NKAIN3: variants seen among roughly 807,000 people sequenced by gnomAD.
The protein encoded by NKAIN3 is sodium/potassium transporting ATPase interacting 3, also known as sodium/potassium-transporting ATPase subunit beta-1-interacting protein 3.
In NKAIN3, 25 loss-of-function variants were observed where a neutral mutation model predicts 30.2. The observed-to-expected ratio is 0.83, with a 90% CI of 0.60 to 1.16. NKAIN3 has a LOEUF of 1.16. Among genes scored for constraint, NKAIN3 ranks in the 50% most tolerant of loss-of-function variants. The probability of loss-of-function intolerance (pLI) is 0.00; values close to 1 mark genes in which losing one functional copy is unlikely to be tolerated. For synonymous variants in NKAIN3, 91 were observed against 89.6 expected (o/e 1.02, Z -0.09); for missense variants, 225 against 254.1 (o/e 0.89, Z 0.78).
intron 1 of NKAIN3, among the ~76,000 whole-genome samples, chr8:62,263,777 G>A (rs912152353): frequency 4.6e-5 from 7 of 152,140 alleles, no homozygotes; most frequent in African/African-American, 1.7e-4. Flanking sequence ...GAATAAAATC[G>A]TTGAATATTT....
chr8:62,869,723 C>A (rs1229838481), intron 4 of NKAIN3, among the ~76,000 whole-genome samples: 1 of 152,022 alleles, frequency 6.6e-6, no homozygotes, highest in Non-Finnish European at 1.5e-5. Flanking sequence ...AGACTGAGGG[C>A]GGCACTGTCA....
intron 4 of NKAIN3, among the ~76,000 whole-genome samples, chr8:62,827,372 A>T (rs768701395): frequency 6.6e-6 from 1 of 152,216 alleles, no homozygotes; most frequent in Admixed American, 6.5e-5. Flanking sequence ...AGGGAAAAAA[A>T]TAGCCTTACA....
intron 3 of NKAIN3, among the ~76,000 whole-genome samples, chr8:62,723,108 C>A (rs1815142863): frequency 6.6e-6 from 1 of 152,026 alleles, no homozygotes; most frequent in Admixed American, 6.6e-5. Flanking sequence ...CTGCCGCATC[C>A]ATAGGTCAAA....
chr8:62,567,421 C>T (rs75926952), intron 1 of NKAIN3, among the ~76,000 whole-genome samples: 1 of 152,144 alleles, frequency 6.6e-6, no homozygotes, highest in Non-Finnish European at 1.5e-5. Flanking sequence ...CAAAGATGTC[C>T]ATGTCCGAAT....
At chr8:62,630,688 A>G (rs1032804492) in intron 3 of NKAIN3, among the ~76,000 whole-genome samples, 3 of 152,082 alleles carry the variant, frequency 2.0e-5, no homozygotes, top group Non-Finnish European at 4.4e-5. Context: ...TTCTGCAAAC[A>G]TTGCTTGTTA....
At chr8:62,451,299 GTCCCCTCCCC>G (rs1385924114) in intron 1 of NKAIN3, among the ~76,000 whole-genome samples, 2 of 45,354 alleles carry the variant, frequency 4.4e-5, no homozygotes, top group South Asian at 1.7e-3. Context: ...CTCCCCTCCC[GTCCCCTCCCC>G]TCCCCTCTCC....
chr8:62,546,712 T>C (rs1194195066), intron 1 of NKAIN3, among the ~76,000 whole-genome samples: 5 of 152,186 alleles, frequency 3.3e-5, no homozygotes, highest in South Asian at 2.1e-4. Flanking sequence ...TGCCTCTGGA[T>C]AAATTATTCT....
At chr8:62,350,979 C>T (rs28771740) in intron 1 of NKAIN3, among the ~76,000 whole-genome samples, 6,109 of 151,794 alleles carry the variant, frequency 0.04, 169 homozygotes, top group South Asian at 0.096. Flanking sequence ...CATGAGCCAC[C>T]GTGCCCAGCC....
At chr8:62,761,060 A>T (rs1339643622) in intron 4 of NKAIN3, among the ~76,000 whole-genome samples, 5 of 152,184 alleles carry the variant, frequency 3.3e-5, no homozygotes, top group Non-Finnish European at 7.4e-5. Flanking sequence ...GGTTTGTCCT[A>T]GAAGGATTTT....
intron 3 of NKAIN3, among the ~76,000 whole-genome samples, chr8:62,646,720 T>C (rs1812471064): frequency 6.6e-6 from 1 of 152,108 alleles, no homozygotes; most frequent in Non-Finnish European, 1.5e-5. Flanking sequence ...ATTCAACAGA[T>C]AATAAGTTGT....
intron 4 of NKAIN3, among the ~76,000 whole-genome samples, chr8:62,873,497 G>T (rs552614513): frequency 6.8e-6 from 1 of 147,126 alleles, no homozygotes; most frequent in African/African-American, 2.5e-5. Flanking sequence ...TCTAGTAGAC[G>T]TCTGCAGAAT....
At chr8:62,934,795 G>A (rs542961840) in intron 5 of NKAIN3, among the ~76,000 whole-genome samples, 7 of 152,098 alleles carry the variant, frequency 4.6e-5, no homozygotes, top group Non-Finnish European at 8.8e-5. Flanking sequence ...GAAATGACAC[G>A]ACAGGAGAGA....
intron 6 of NKAIN3, among the ~76,000 whole-genome samples, chr8:62,963,373 G>A (rs1024095196): frequency 6.6e-6 from 1 of 152,112 alleles, no homozygotes; most frequent in East Asian, 1.9e-4. Context: ...CATAAGAACA[G>A]GCTCAGCCTG....
chr8:62,938,463 C>G (rs1442485614), intron 5 of NKAIN3, among the ~76,000 whole-genome samples: 1 of 152,084 alleles, frequency 6.6e-6, no homozygotes, highest in African/African-American at 2.4e-5. Context: ...GTGCACTAAA[C>G]AAAACCATAA....
intron 5 of NKAIN3, among the ~76,000 whole-genome samples, chr8:62,992,925 C>T (rs944325872): frequency 4.6e-5 from 7 of 152,040 alleles, no homozygotes; most frequent in African/African-American, 7.2e-5. Flanking sequence ...AACTAACATC[C>T]GGTTAATGAG....
intron 1 of NKAIN3, among the ~76,000 whole-genome samples, chr8:62,285,643 C>G (rs185529910): frequency 6.6e-6 from 1 of 152,044 alleles, no homozygotes; most frequent in Admixed American, 6.6e-5. Flanking sequence ...GGTATTGGTC[C>G]CCCTGCCATC....
At chr8:62,446,022 A>G (rs1490078158) in intron 1 of NKAIN3, among the ~76,000 whole-genome samples, 1 of 152,216 alleles carries the variant, frequency 6.6e-6, no homozygotes, top group Non-Finnish European at 1.5e-5. Flanking sequence ...TTATGAAGTC[A>G]TAGCAATTGT....
chr8:62,923,764 CA>C (rs1349006334), intron 5 of NKAIN3, among the ~76,000 whole-genome samples: 1 of 152,120 alleles, frequency 6.6e-6, no homozygotes, highest in Non-Finnish European at 1.5e-5. Flanking sequence ...GAGTGGGGAC[CA>C]GCAGGGTTGT....
At chr8:62,799,273 G>A (rs977952406) in intron 4 of NKAIN3, among the ~76,000 whole-genome samples, 3 of 152,080 alleles carry the variant, frequency 2.0e-5, no homozygotes, top group Non-Finnish European at 4.4e-5. Context: ...CAAAGTGTGA[G>A]AAAATCTTCA....
Sources: allele counts gnomAD v4.1 joint callset (sites outside exome capture counted in the v4.1 genomes callset), GRCh38; gene constraint gnomAD v4.1.1; transcripts MANE v1.5; gene names NCBI Gene and HGNC (gene_info 2026-07-23, HGNC 2026-07-21).